The following SLC26A2 variants were observed in gnomAD, a reference collection of about 807,000 sequenced individuals.
SLC26A2 encodes the protein solute carrier family 26 member 2, also known as sulfate transporter.
In SLC26A2, 36 loss-of-function variants were observed where a neutral mutation model predicts 41.1. The observed-to-expected ratio is 0.88, with a 90% confidence interval of 0.67 to 1.16. The LOEUF is 1.16. SLC26A2 is among the 50% of genes most tolerant of loss of function. The pLI is 0.00. For synonymous variants in SLC26A2, 291 were observed against 311.6 expected, an observed-to-expected ratio of 0.93 and a Z score of 0.70; for missense variants, 796 against 869.6, an observed-to-expected ratio of 0.92 and a Z score of 1.07.
chr5:149,974,926 T>C (rs1038173470), intron 1 of SLC26A2, among the ~76,000 whole-genome samples: 2 of 152,180 alleles, frequency 1.3e-5, no homozygotes, highest in Admixed American at 6.5e-5. Flanking sequence ...TGTTTCACCA[T>C]GTTGGTCATG....
intron 1 of SLC26A2, among the ~76,000 whole-genome samples, chr5:149,977,050 C>T (rs1755004184): frequency 6.6e-6 from 1 of 152,226 alleles, no homozygotes; most frequent in African/African-American, 2.4e-5. Flanking sequence ...ATGCATTCTG[C>T]CCTAGTTTCT....
chr5:149,980,817 T>C lies in SLC26A2; in HGVS notation c.1224T>C (p.His408=), dbSNP rs368695180. 10 of 1,613,998 alleles carry C rather than the reference T, an allele frequency of 6.2e-6. No individual in the cohort carries two copies. Among genetic ancestry groups the C allele is most frequent in the African/African-American group, 2.7e-5 (2 of 74,930 alleles). ...VSLSEMFAKK[H]GYTVKANQEM... ...TTTCTGAGATGTTTGCCAAGAAACA[T>C]GGTTACACAGTCAAAGCAAACCAGG... The change falls in exon 3 of 3, where the codon CAT becomes CAC. Residue 408 remains histidine (H), a synonymous_variant. Coordinates refer to ENST00000286298, the MANE Select transcript of SLC26A2 (RefSeq NM_000112.4).
chr5:149,981,829 G>A lies in SLC26A2; in HGVS notation c.*16G>A. On this transcript the variant is annotated 3_prime_UTR_variant, in exon 3 of 3. Transcript: ENST00000286298. The stretch of plus-strand genomic sequence containing the variant: ...TAGTGATTAATTGAGAAGGTAGATA[G>A]AAGAATGTCTAGCCAATAGGTTAAA... 1 of 1,581,126 alleles carries A rather than the reference G, an allele frequency of 6.3e-7. No individual in the cohort carries two copies.
chr5:149,966,999 T>A (rs60625193), intron 1 of SLC26A2, among the ~76,000 whole-genome samples: 1 of 152,068 alleles, frequency 6.6e-6, no homozygotes, highest in Non-Finnish European at 1.5e-5. Flanking sequence ...TAAACTGCAA[T>A]TGAAAACAAA....
Position 149,987,263 on chromosome 5 carries a change from G to A in SLC26A2, c.*5450G>A, listed in dbSNP as rs928297417. The A allele has an allele frequency of 6.6e-6, 1 of 152,124 alleles. No homozygotes were observed. Among genetic ancestry groups the A allele is most frequent in the Non-Finnish European group, 1.5e-5 (1 of 68,020 alleles). 9.4% of individuals were successfully genotyped at this position (152,124 alleles called of 1,614,324 possible). ...TGTATTGCAGCCTACTGGAAAGGAGGGGGAGTTGGTTAATAGCAGATACTT... is the reference window on the plus strand; with the variant it reads ...TGTATTGCAGCCTACTGGAAAGGAGAGGGAGTTGGTTAATAGCAGATACTT... On this transcript the variant is annotated 3_prime_UTR_variant, in exon 3 of 3. Coordinates refer to ENST00000286298, the MANE Select transcript of SLC26A2 (RefSeq NM_000112.4).
In SLC26A2 at chr5:149,985,750, A is replaced by G. The variant is rs1755188578; in HGVS notation, c.*3937A>G. ...GCCATACGTTTCTTTGTATCAATGT[A>G]GACATGACTTCAGATACCTCTGAGG... On this transcript the variant is annotated 3_prime_UTR_variant, in exon 3 of 3. Coordinates refer to ENST00000286298, the MANE Select transcript of SLC26A2 (RefSeq NM_000112.4). The G allele has an allele frequency of 6.6e-6, 1 of 152,202 alleles. No individual in the cohort carries two copies. The highest frequency in any genetic ancestry group is 1.5e-5 in the Non-Finnish European group (1 of 68,034). The allele number at this position is 152,202 out of a possible 1,614,324, so 9.4% of individuals were successfully genotyped here. A position where few individuals can be genotyped will look rare whatever the true frequency, so the allele number is the denominator to read the frequency against.
chr5:149,966,914 TAAG>T (rs1754815100), intron 1 of SLC26A2, among the ~76,000 whole-genome samples: 1 of 152,242 alleles, frequency 6.6e-6, no homozygotes, highest in Non-Finnish European at 1.5e-5. Context: ...TCTGGGGACT[TAAG>T]AAATACATTT....
chr5:149,963,863 A>G (rs1754758308), intron 1 of SLC26A2, among the ~76,000 whole-genome samples: 1 of 148,916 alleles, frequency 6.7e-6, no homozygotes. Flanking sequence ...GATTACAGAC[A>G]TGAACCACTG....
At chr5:149,978,844 C>G (rs1755043676) in intron 2 of SLC26A2, among the ~76,000 whole-genome samples, 1 of 152,018 alleles carries the variant, frequency 6.6e-6, no homozygotes, top group African/African-American at 2.4e-5. Flanking sequence ...CATGCTACCA[C>G]ACCTGGCTAA....
chr5:149,961,806 A>G (rs868190352), intron 1 of SLC26A2, among the ~76,000 whole-genome samples: 1 of 152,266 alleles, frequency 6.6e-6, no homozygotes, highest in Middle Eastern at 3.4e-3. Context: ...TCAATAAGAA[A>G]TGGAGGGCCA....
chr5:149,980,747 A>C lies in SLC26A2; in HGVS notation c.1154A>C (p.Asp385Ala), dbSNP rs2113698323. The C allele has an allele frequency of 5.6e-6, 9 of 1,613,956 alleles. No individual in the cohort carries two copies. Among genetic ancestry groups the C allele is most frequent in the Non-Finnish European group, 6.8e-6 (8 of 1,179,910 alleles). The change falls in exon 3 of 3, where the codon GAT becomes GCT. Residue 385 changes from aspartate (D) to alanine (A), a missense_variant. Coordinates refer to ENST00000286298, the MANE Select transcript of SLC26A2 (RefSeq NM_000112.4). The part of the protein sequence containing the change: ...EWNLIPSVAV[D>A]AIAISIIGFA... ...AACCTAATTCCTAGTGTGGCTGTAG[A>C]TGCAATAGCTATTTCCATCATTGGT...
rs149555956 is a variant in SLC26A2 at position 149,977,558 on chromosome 5, T to C, written c.-25-70T>C. ...CTTTTAACTCTCATGAAATGACAAA[T>C]AGAATTGTTAGTATATGTGAGCACT... On this transcript the variant is annotated intron_variant, in intron 1 of 2. Transcript: ENST00000286298. 585 of 831,868 alleles carry C rather than the reference T, an allele frequency of 7.0e-4. 2 individuals are homozygous for C. The highest frequency in any genetic ancestry group is 3.9e-3 in the African/African-American group (229 of 59,322). The allele number at this position is 831,868 out of a possible 1,614,324, so 51.5% of individuals were successfully genotyped here.
rs1199420044 is a variant in SLC26A2 at position 149,984,473 on chromosome 5, AAC to A, written c.*2663_*2664del. 6.6e-6 allele frequency: 1 copy of A among 152,232 alleles called. No homozygotes were observed. Among genetic ancestry groups the A allele is most frequent in the Non-Finnish European group, 1.5e-5 (1 of 68,072 alleles). 9.4% of individuals were successfully genotyped at this position (152,232 alleles called of 1,614,324 possible). ...TCAGGAGTTCGAGACCATCCTGGCT[AAC>A]ACTGTGAAACCCCGTCTCTACTAAA... On this transcript the variant is annotated 3_prime_UTR_variant, in exon 3 of 3. Coordinates refer to ENST00000286298, the MANE Select transcript of SLC26A2 (RefSeq NM_000112.4).
At position 149,981,352 on chromosome 5, in the gene SLC26A2, C is replaced by T. The variant is rs2113699190; in HGVS notation, c.1759C>T (p.Leu587Phe). 1 of 1,614,090 alleles carries T rather than the reference C, an allele frequency of 6.2e-7. No individual in the cohort carries two copies. The highest frequency in any genetic ancestry group is 8.5e-7 in the Non-Finnish European group (1 of 1,179,970). The change falls in exon 3 of 3, where the codon CTC (leucine) becomes TTC (phenylalanine). Residue 587 changes from leucine (L) to phenylalanine (F), a missense_variant. Transcript: ENST00000286298. ...GIKIFRFVAPLYYINKECFKS... is the reference protein window; with the variant it reads ...GIKIFRFVAPFYYINKECFKS... ...CAAGATTTTCCGCTTTGTAGCCCCT[C>T]TCTACTACATAAACAAAGAATGCTT...
chr5:149,969,739 A>G (rs767845444), intron 1 of SLC26A2, among the ~76,000 whole-genome samples: 13 of 152,176 alleles, frequency 8.5e-5, no homozygotes, highest in Non-Finnish European at 1.2e-4. Flanking sequence ...TATCTCCTAC[A>G]ACTTCACCCT....
chr5:149,969,622 C>T (rs567788351), intron 1 of SLC26A2, among the ~76,000 whole-genome samples: 20 of 152,284 alleles, frequency 1.3e-4, no homozygotes, highest in Non-Finnish European at 2.6e-4. Context: ...AATGGCAAAC[C>T]TCCTGCCCTT....
At chr5:149,970,152 T>C (rs1185562424) in intron 1 of SLC26A2, among the ~76,000 whole-genome samples, 2 of 152,166 alleles carry the variant, frequency 1.3e-5, no homozygotes, top group Non-Finnish European at 1.5e-5. Context: ...TAGGGAATGC[T>C]GGGAAGGAGG....
chr5:149,979,651 T>G (rs1237288062), intron 2 of SLC26A2, among the ~76,000 whole-genome samples: 2 of 152,200 alleles, frequency 1.3e-5, no homozygotes. Flanking sequence ...TGCAGAATTT[T>G]TATTAATATG....
At chr5:149,971,540 C>A (rs1180179131) in intron 1 of SLC26A2, among the ~76,000 whole-genome samples, 1 of 152,166 alleles carries the variant, frequency 6.6e-6, no homozygotes, top group African/African-American at 2.4e-5. Flanking sequence ...GCTGGGATTA[C>A]AGGCGTGCGC....
Sources: gnomAD v4.1 joint callset for allele counts (sites outside exome capture counted in the v4.1 genomes callset) on GRCh38, gnomAD v4.1.1 for gene constraint, MANE v1.5 for transcripts, NCBI Gene and HGNC (gene_info 2026-07-23, HGNC 2026-07-21) for gene names.